Variants in DOCK1 observed in about 807,000 individuals in gnomAD.
DOCK1 encodes the protein dedicator of cytokinesis 1.
Under a neutral mutation model 262.7 loss-of-function variants are expected in DOCK1, and 138 were observed. The ratio of observed to expected loss-of-function variants is 0.53; its 90% CI spans 0.46 to 0.61. The LOEUF (loss-of-function observed/expected upper bound fraction) is 0.61, where lower values mean the gene tolerates loss of function less well. Among genes scored for constraint, DOCK1 ranks in the 20% least tolerant of loss-of-function variants. The pLI, the probability that DOCK1 is intolerant of heterozygous loss-of-function variation, is 0.00. For synonymous variants in DOCK1, 866 were observed against 867.4 expected, an observed-to-expected ratio of 1.00 and a Z score of 0.03; for missense variants, 1,908 against 2,370.7, an observed-to-expected ratio of 0.80 and a Z score of 4.05.
intron 29 of DOCK1, among the ~76,000 whole-genome samples, chr10:127,336,995 C>T (rs1027686351): frequency 6.6e-6 from 1 of 152,012 alleles, no homozygotes; most frequent in Admixed American, 6.5e-5. Flanking sequence ...GTAAACTGGT[C>T]ATTATTGTCA....
chr10:127,380,042 A>G (rs193300593), intron 35 of DOCK1, 40 bp from the exon 36 acceptor site: 427 of 1,377,612 alleles, frequency 3.1e-4, no homozygotes, highest in Middle Eastern at 9.0e-4. Context: ...CCTTTTGTGG[A>G]ACAGATTTCT....
intron 36 of DOCK1, among the ~76,000 whole-genome samples, chr10:127,380,601 C>T (rs1196606727): frequency 6.6e-6 from 1 of 152,042 alleles, no homozygotes; most frequent in Non-Finnish European, 1.5e-5. Context: ...GCATTGCCTG[C>T]TGGATTTTGC....
In DOCK1 at chr10:126,920,399, G is replaced by A. The variant is rs75545713; in HGVS notation, c.46+14836G>A. Among the ~76,000 whole-genome samples the A allele has an allele frequency of 1.2e-3, 182 of 152,328 alleles. 3 individuals carry two copies. In the East Asian group the frequency reaches 0.03, roughly 25 times the overall value. ...ATAGAAGAAAAGTGGATTTTGAAGG[G>A]AGATTGTGCTTGAGTCACGCTTCCA... On this transcript the variant is annotated intron_variant, in intron 1 of 51. Transcript: ENST00000623213.
At chr10:126,935,137 TG>T (rs2034482585) in intron 1 of DOCK1, among the ~76,000 whole-genome samples, 1 of 152,162 alleles carries the variant, frequency 6.6e-6, no homozygotes, top group Non-Finnish European at 1.5e-5. Flanking sequence ...AAACTTTTTT[TG>T]GAATGTAGAC....
At chr10:127,430,830 A>G (rs2069234055) in intron 47 of DOCK1, among the ~76,000 whole-genome samples, 1 of 152,096 alleles carries the variant, frequency 6.6e-6, no homozygotes. Context: ...TGGGCAGTAA[A>G]CACCTGTGGC....
intron 27 of DOCK1, among the ~76,000 whole-genome samples, chr10:127,151,963 A>C (rs754805537): frequency 2.5e-4 from 38 of 152,162 alleles, no homozygotes; most frequent in Non-Finnish European, 2.1e-4. Flanking sequence ...TTCTGGATTT[A>C]GAGCTAAGTT....
At chr10:127,393,311 G>A (rs1250387564) in intron 38 of DOCK1, among the ~76,000 whole-genome samples, 5 of 152,226 alleles carry the variant, frequency 3.3e-5, no homozygotes, top group East Asian at 1.9e-4. Context: ...ACCATGACCC[G>A]GCTACAGCTC....
Position 127,211,010 on chromosome 10 carries a change from T to C in DOCK1, c.2848-36998T>C, listed in dbSNP as rs182187604. On this transcript the variant is annotated intron_variant, in intron 27 of 51. Transcript: ENST00000623213. ...ATTATTTTATTGTCTTTGTTTTATTTAGAACACTTTATATCCACCCTTTTC... is the reference window on the plus strand; with the variant it reads ...ATTATTTTATTGTCTTTGTTTTATTCAGAACACTTTATATCCACCCTTTTC... Among the ~76,000 whole-genome samples the C allele has an allele frequency of 7.9e-5, 12 of 152,342 alleles. No homozygotes were observed. In the South Asian group the frequency reaches 2.3e-3, roughly 29 times the overall value.
intron 27 of DOCK1, among the ~76,000 whole-genome samples, chr10:127,131,633 A>C (rs1479639154): frequency 6.6e-6 from 1 of 151,330 alleles, no homozygotes; most frequent in Non-Finnish European, 1.5e-5. Flanking sequence ...TTGCTCTTCC[A>C]ATTTGCATCA....
intron 27 of DOCK1, among the ~76,000 whole-genome samples, chr10:127,216,293 C>T (rs2058206428): frequency 7.2e-6 from 1 of 138,090 alleles, no homozygotes; most frequent in African/African-American, 2.7e-5. Flanking sequence ...GTCTTCATGC[C>T]AAAGTGATAA....
rs934205145 is a variant in DOCK1, at chr10:126,933,844, C to T, written c.46+28281C>T. 1.2e-4 allele frequency among the ~76,000 whole-genome samples: 19 copies of T among 152,138 alleles called. No individual in the cohort carries two copies. In the East Asian group the frequency reaches 3.3e-3, roughly 26 times the overall value. ...TAATCTTTTTTTTGAGACAGAGTTT[C>T]GGTCCTGTTGCCTAGGCTGGAGTTC... On this transcript the variant is annotated intron_variant, in intron 1 of 51. Transcript: ENST00000623213.
At chr10:127,215,452 G>A (rs559965469) in intron 27 of DOCK1, among the ~76,000 whole-genome samples, 2 of 152,276 alleles carry the variant, frequency 1.3e-5, no homozygotes, top group South Asian at 2.1e-4. Flanking sequence ...CAGTTCCCAC[G>A]GATAGCCGGG....
chr10:127,408,648 G>A (rs1180857986), intron 40 of DOCK1, among the ~76,000 whole-genome samples: 3 of 152,188 alleles, frequency 2.0e-5, no homozygotes, highest in African/African-American at 4.8e-5. Context: ...ACAAGAAAAA[G>A]TGTGGACATC....
At chr10:127,399,081 G>A (rs72842990) in intron 38 of DOCK1, among the ~76,000 whole-genome samples, 24,088 of 152,174 alleles carry the variant, frequency 0.16, 2,256 homozygotes, top group Middle Eastern at 0.23. Flanking sequence ...AACACGTCTC[G>A]TATCATCTGG....
chr10:127,081,840 A>G (rs1384439702), intron 23 of DOCK1, among the ~76,000 whole-genome samples: 1 of 152,192 alleles, frequency 6.6e-6, no homozygotes, highest in East Asian at 1.9e-4. Context: ...GAAGTATCTG[A>G]TTTTGGATCA....
In DOCK1 at chr10:127,353,918, C is replaced by T. The variant is rs199787401; in HGVS notation, c.3225-751C>T. ...GCTTTCCTTCTCACATCTCCTGACA[C>T]GAGGATGAGCAGAGCAGGCTCGATG... On this transcript the variant is annotated intron_variant, in intron 31 of 51. Coordinates refer to ENST00000623213, the MANE Select transcript of DOCK1 (RefSeq NM_001290223.2). Among the ~76,000 whole-genome samples the T allele has an allele frequency of 2.6e-5, 4 of 152,188 alleles. No individual in the cohort carries two copies. In the East Asian group the frequency reaches 7.7e-4, roughly 29 times the overall value.
chr10:127,194,269 A>G (rs1288001368), intron 27 of DOCK1, among the ~76,000 whole-genome samples: 3 of 152,246 alleles, frequency 2.0e-5, no homozygotes, highest in Non-Finnish European at 4.4e-5. Context: ...CGCCTCTAAT[A>G]AAACCATCGT....
rs369202853 is a variant in DOCK1 at position 126,910,439 on chromosome 10, C to T, written c.46+4876C>T. On this transcript the variant is annotated intron_variant, in intron 1 of 51. Coordinates refer to ENST00000623213, the MANE Select transcript of DOCK1 (RefSeq NM_001290223.2). ...GCCCCAGGGCCATCGCTGTAGCAAG[C>T]GCACACTTGTACGCTGTTCCCACCC... Among the ~76,000 whole-genome samples, 7 of 152,226 alleles carry T rather than the reference C, an allele frequency of 4.6e-5. No individual in the cohort carries two copies. In the East Asian group the frequency reaches 5.8e-4, roughly 13 times the overall value.
In DOCK1 at chr10:127,336,691, C is replaced by T. The variant is rs376838848; in HGVS notation, c.3045-2315C>T. 2.0e-5 allele frequency among the ~76,000 whole-genome samples: 3 copies of T among 152,076 alleles called. No individual in the cohort carries two copies. In the East Asian group the frequency reaches 5.8e-4, roughly 29 times the overall value. On this transcript the variant is annotated intron_variant, in intron 29 of 51. Coordinates refer to ENST00000623213, the MANE Select transcript of DOCK1 (RefSeq NM_001290223.2). ...AGTAGCTGGGACTGCAGGTGCCCGC[C>T]ACCACACCCAGCTAATTTTTTGTAT...
Sources: allele counts gnomAD v4.1 joint callset (sites outside exome capture counted in the v4.1 genomes callset), GRCh38; gene constraint gnomAD v4.1.1; transcripts MANE v1.5; gene names NCBI Gene and HGNC (gene_info 2026-07-23, HGNC 2026-07-21).